Variants in STXBP5L observed in about 807,000 individuals in gnomAD.
The protein encoded by STXBP5L is syntaxin-binding protein 5-like.
In STXBP5L, 65 loss-of-function variants were observed where a neutral mutation model predicts 144.5. That is an observed-to-expected ratio of 0.45 (90% CI 0.37 to 0.55). The LOEUF is 0.55. STXBP5L is among the 20% of genes least tolerant of loss of function. STXBP5L has a pLI of 0.00. For missense variants in STXBP5L, 1,298 were observed against 1,405.5 expected (o/e 0.92, Z 1.22); for synonymous variants, 505 against 469.6 (o/e 1.08, Z -0.97).
intron 3 of STXBP5L, among the ~76,000 whole-genome samples, chr3:121,031,966 T>A (rs976225664): frequency 6.6e-6 from 1 of 152,082 alleles, no homozygotes; most frequent in African/African-American, 2.4e-5. Context: ...CAGGATTTGG[T>A]AGGAAAGATA....
chr3:121,017,294 C>G (rs192402363), intron 3 of STXBP5L, among the ~76,000 whole-genome samples: 28 of 152,280 alleles, frequency 1.8e-4, no homozygotes, highest in Admixed American at 1.8e-3. Context: ...ACTTCTTCAA[C>G]TTGATAAAGA....
intron 9 of STXBP5L, among the ~76,000 whole-genome samples, chr3:121,161,465 G>T (rs940843371): frequency 6.6e-6 from 1 of 151,698 alleles, no homozygotes; most frequent in South Asian, 2.1e-4. Flanking sequence ...ATTTTGCGGG[G>T]TATCTTTTAT....
At chr3:121,225,669 G>A (rs2049100407) in intron 11 of STXBP5L, among the ~76,000 whole-genome samples, 1 of 152,114 alleles carries the variant, frequency 6.6e-6, no homozygotes, top group Admixed American at 6.6e-5. Context: ...GGGTTAAGGA[G>A]GACTAAAGAA....
At chr3:121,096,979 C>T (rs1346898431) in intron 5 of STXBP5L, among the ~76,000 whole-genome samples, 1 of 152,186 alleles carries the variant, frequency 6.6e-6, no homozygotes. Context: ...GTCCCAGGGA[C>T]ATGGGGGTTT....
intron 2 of STXBP5L, among the ~76,000 whole-genome samples, chr3:120,918,733 G>T (rs1458536852): frequency 6.6e-6 from 1 of 152,116 alleles, no homozygotes; most frequent in African/African-American, 2.4e-5. Context: ...GATTTGTTTA[G>T]ATTGGCATCC....
At chr3:120,975,885 G>A (rs1174583040) in intron 3 of STXBP5L, among the ~76,000 whole-genome samples, 6 of 152,088 alleles carry the variant, frequency 3.9e-5, no homozygotes, top group East Asian at 1.9e-4. Context: ...TGCATCCCAG[G>A]GATGAAGCCC....
At chr3:120,991,307 C>T (rs1020152990) in intron 3 of STXBP5L, among the ~76,000 whole-genome samples, 2 of 151,234 alleles carry the variant, frequency 1.3e-5, no homozygotes, top group Admixed American at 6.6e-5. Flanking sequence ...GTTAGAATGG[C>T]GATCATTAAA....
At chr3:121,213,503 A>G (rs2048660191) in intron 10 of STXBP5L, among the ~76,000 whole-genome samples, 1 of 152,078 alleles carries the variant, frequency 6.6e-6, no homozygotes, top group African/African-American at 2.4e-5. Flanking sequence ...TATTTATGTG[A>G]TGGATTACGT....
intron 14 of STXBP5L, among the ~76,000 whole-genome samples, chr3:121,241,118 A>G (rs1445576821): frequency 1.3e-5 from 2 of 152,180 alleles, no homozygotes; most frequent in Non-Finnish European, 1.5e-5. Context: ...AAATGTGAAG[A>G]CGCATCAGAC....
At chr3:121,111,019 G>C (rs1028127985) in intron 5 of STXBP5L, among the ~76,000 whole-genome samples, 7 of 151,944 alleles carry the variant, frequency 4.6e-5, no homozygotes, top group African/African-American at 1.7e-4. Flanking sequence ...TCCTCCGCTT[G>C]GTCTATTCGG....
intron 9 of STXBP5L, among the ~76,000 whole-genome samples, chr3:121,168,167 C>T (rs1190970042): frequency 1.3e-5 from 2 of 152,034 alleles, no homozygotes; most frequent in Admixed American, 6.6e-5. Context: ...ACTGAGAAAC[C>T]CCATCTGAAT....
chr3:121,238,441 C>T (rs2049554041), intron 12 of STXBP5L, among the ~76,000 whole-genome samples: 1 of 152,088 alleles, frequency 6.6e-6, no homozygotes, highest in African/African-American at 2.4e-5. Flanking sequence ...GGATCTGCCC[C>T]ATAAGCCAAA....
intron 18 of STXBP5L, among the ~76,000 whole-genome samples, chr3:121,262,863 C>T (rs1408794673): frequency 1.3e-5 from 2 of 152,128 alleles, no homozygotes; most frequent in African/African-American, 4.8e-5. Context: ...GACAGAGCAC[C>T]TGGGGGAAGG....
intron 9 of STXBP5L, among the ~76,000 whole-genome samples, chr3:121,193,240 G>A (rs373423704): frequency 7.7e-5 from 11 of 142,998 alleles, no homozygotes; most frequent in African/African-American, 7.7e-5. Flanking sequence ...ATCACTGGCC[G>A]TCAGAGAAAT....
At chr3:121,080,332 T>G (rs1342458625) in intron 5 of STXBP5L, among the ~76,000 whole-genome samples, 1 of 152,184 alleles carries the variant, frequency 6.6e-6, no homozygotes, top group Non-Finnish European at 1.5e-5. Flanking sequence ...TCAATATTAG[T>G]ATTGAGATGT....
intron 20 of STXBP5L, among the ~76,000 whole-genome samples, chr3:121,358,999 T>C (rs934957299): frequency 1.3e-5 from 2 of 152,172 alleles, no homozygotes; most frequent in Non-Finnish European, 2.9e-5. Flanking sequence ...CTGGATCATA[T>C]AGTAAGTAGC....
In STXBP5L at chr3:121,256,755, GTT is replaced by G. The variant is rs2050219390; in HGVS notation, c.1660-404_1660-403del. On this transcript the variant is annotated intron_variant, in intron 16 of 26. Coordinates refer to ENST00000471454, the MANE Select transcript of STXBP5L (RefSeq NM_001308330.2). ...ACGTTTGTGTGTGTATATGAAAAAA[GTT>G]TAATTTCTTTCATTGGAATAACCAT... Among the ~76,000 whole-genome samples the G allele has an allele frequency of 7.9e-5, 12 of 151,528 alleles. No homozygotes were observed. The South Asian group carries it at 2.3e-3, about 29-fold the overall frequency.
At chr3:121,071,984 G>A (rs1199659691) in intron 5 of STXBP5L, among the ~76,000 whole-genome samples, 1 of 152,204 alleles carries the variant, frequency 6.6e-6, no homozygotes, top group Non-Finnish European at 1.5e-5. Flanking sequence ...AGCTGTTTGA[G>A]TGTCTGGTTC....
chr3:121,255,235 C>T, intron 16 of STXBP5L, 123 bp downstream of exon 16: 1 of 616,630 alleles, frequency 1.6e-6, no homozygotes, highest in Non-Finnish European at 2.6e-6. Context: ...TAATACAATT[C>T]ACAGGATTTT....
Sources: allele counts gnomAD v4.1 joint callset (sites outside exome capture counted in the v4.1 genomes callset), GRCh38; gene constraint gnomAD v4.1.1; transcripts MANE v1.5; gene names NCBI Gene and HGNC (gene_info 2026-07-23, HGNC 2026-07-21).